RGS9: variants seen among roughly 807,000 people sequenced by gnomAD.
The protein encoded by RGS9 is regulator of G protein signaling 9, also known as regulator of G-protein signalling 9.
A neutral mutation model predicts 102.0 loss-of-function variants in RGS9; 78 were observed. The ratio of observed to expected loss-of-function variants is 0.76; its 90% CI spans 0.64 to 0.92. The LOEUF is 0.92. RGS9 is among the 40% of genes least tolerant of loss of function. The pLI, the probability that RGS9 is intolerant of heterozygous loss-of-function variation, is 0.00. For synonymous variants in RGS9, 353 were observed against 318.6 expected, an observed-to-expected ratio of 1.11 and a Z score of -1.15; for missense variants, 833 against 866.1, an observed-to-expected ratio of 0.96 and a Z score of 0.48.
rs529172956 is a variant in RGS9 at position 65,182,516 on chromosome 17, G to A, written c.654+4713G>A. On this transcript the variant is annotated intron_variant, in intron 9 of 18. Coordinates refer to ENST00000262406, the MANE Select transcript of RGS9 (RefSeq NM_003835.4). ...AGGATCTGAACCTCAGCTGATGGCC[G>A]CCAGAGCCCACTCCACATCCTGCCT... 9.2e-5 allele frequency among the ~76,000 whole-genome samples: 14 copies of A among 152,332 alleles called. No homozygotes were observed. The East Asian group carries it at 1.5e-3, about 17-fold the overall frequency.
At chr17:65,227,001 C>T (rs183293024) in intron 18 of RGS9, among the ~76,000 whole-genome samples, 67 of 152,098 alleles carry the variant, frequency 4.4e-4, no homozygotes, top group African/African-American at 1.5e-3. Flanking sequence ...CACAGGGATC[C>T]GAGCACCTCA....
intron 9 of RGS9, among the ~76,000 whole-genome samples, chr17:65,181,955 C>T (rs1288605274): frequency 3.3e-5 from 5 of 152,166 alleles, no homozygotes; most frequent in Admixed American, 2.0e-4. Context: ...GACTTGTAGA[C>T]CTCAGACTCC....
chr17:65,177,689 G>C lies in RGS9; in HGVS notation c.583-43G>C, dbSNP rs761552810. ...GACCCACAGTTAACCAGAAACTGGA[G>C]ACTCTCCCTGTAATGACCTTATGTT... On this transcript the variant is annotated intron_variant, in intron 8 of 18. Transcript: ENST00000262406. 4.5e-6 allele frequency: 7 copies of C among 1,566,138 alleles called. No individual in the cohort carries two copies. In the South Asian group the frequency reaches 6.7e-5, roughly 15 times the overall value.
intron 9 of RGS9, 79 bp downstream of exon 9, chr17:65,177,882 T>A: frequency 9.1e-7 from 1 of 1,094,768 alleles, no homozygotes; most frequent in East Asian, 2.4e-5. Context: ...TCTATTCGTG[T>A]CTGTTAGGGC....
chr17:65,158,446 A>G (rs532283098), intron 3 of RGS9, 101 bp downstream of exon 3: 1 of 1,113,802 alleles, frequency 9.0e-7, no homozygotes, highest in Admixed American at 1.7e-5. Flanking sequence ...AGAAATTTAC[A>G]TTTTAATTGG....
At position 65,223,781 on chromosome 17, in the gene RGS9, T is replaced by C. The variant is rs530646288; in HGVS notation, c.1408-1221T>C. ...TTTTTTTTTTTTTAAGATGGAGTTT[T>C]GCTCTGTCACCCAGGCTGGAGTGCA... On this transcript the variant is annotated intron_variant, in intron 17 of 18. Coordinates refer to ENST00000262406, the MANE Select transcript of RGS9 (RefSeq NM_003835.4). 1.1e-3 allele frequency among the ~76,000 whole-genome samples: 166 copies of C among 148,734 alleles called. 2 individuals are homozygous for C. Among genetic ancestry groups the C allele is most frequent in the Non-Finnish European group, 1.5e-3 (99 of 65,788 alleles).
intron 10 of RGS9, among the ~76,000 whole-genome samples, chr17:65,189,666 T>G (rs1912283851): frequency 6.6e-6 from 1 of 152,192 alleles, no homozygotes; most frequent in Admixed American, 6.5e-5. Flanking sequence ...AGGTGGCAAC[T>G]GCCTATTTTG....
At chr17:65,171,246 G>A (rs765487958) in intron 8 of RGS9, among the ~76,000 whole-genome samples, 1 of 152,186 alleles carries the variant, frequency 6.6e-6, no homozygotes, top group Non-Finnish European at 1.5e-5. Context: ...GTTAGGTGCT[G>A]GGTGTGAAAT....
In RGS9 at chr17:65,163,088, A is replaced by G. The variant is rs760030262; in HGVS notation, c.499A>G (p.Arg167Gly). Reference sequence around the variant, plus strand: ...CATTATGCAGGCCAAAGAGCAGTACAGGTGAGTGAAAGGAGACCATGCTTG... The same window carrying G: ...CATTATGCAGGCCAAAGAGCAGTACGGGTGAGTGAAAGGAGACCATGCTTG... ...FVIMQAKEQY[R>G]AGKERNKADR... is the part of the protein sequence containing the mutation. Residue 167 changes from arginine to glycine, a missense_variant and splice_region_variant, in exon 7 of 19, where the codon AGG (arginine) becomes GGG (glycine). Transcript: ENST00000262406. 6.3e-5 allele frequency: 100 copies of G among 1,576,226 alleles called. No individual in the cohort carries two copies. The highest frequency in any genetic ancestry group is 7.8e-5 in the Non-Finnish European group (90 of 1,147,196).
chr17:65,167,435 C>T lies in RGS9; in HGVS notation c.501-765C>T, dbSNP rs185936588. Among the ~76,000 whole-genome samples the T allele has an allele frequency of 2.8e-3, 422 of 152,218 alleles. 2 individuals are homozygous for T. Among genetic ancestry groups the T allele is most frequent in the African/African-American group, 9.6e-3 (397 of 41,514 alleles). On this transcript the variant is annotated intron_variant, in intron 7 of 18. Coordinates refer to ENST00000262406, the MANE Select transcript of RGS9 (RefSeq NM_003835.4). ...CAGGCTGGTCTTGAACTCCTGACCT[C>T]AAGTGATCTGCCCACCTCAGCCTCC...
intron 9 of RGS9, among the ~76,000 whole-genome samples, chr17:65,183,553 T>C (rs1410736644): frequency 6.6e-6 from 1 of 152,224 alleles, no homozygotes; most frequent in Non-Finnish European, 1.5e-5. Flanking sequence ...TGCCTTGGCC[T>C]CCCAGGGTGC....
chr17:65,224,686 G>A (rs768160418), intron 17 of RGS9, among the ~76,000 whole-genome samples: 6 of 152,104 alleles, frequency 3.9e-5, no homozygotes, highest in East Asian at 3.9e-4. Context: ...AGGGGTGATC[G>A]GGAATGCAGC....
In RGS9 at chr17:65,137,393, CA is replaced by C. The variant is rs1226561075; in HGVS notation, c.-147del. On this transcript the variant is annotated 5_prime_UTR_variant, in exon 1 of 19. Transcript: ENST00000262406. ...CAAGTCAGCGGCGCCTAGTGAGAGTCAGGGGGGCCCGGCCCGCGCCCTCCCC... is the reference window on the plus strand; with the variant it reads ...CAAGTCAGCGGCGCCTAGTGAGAGTCGGGGGGCCCGGCCCGCGCCCTCCCC... 15 of 752,538 alleles carry C rather than the reference CA, an allele frequency of 2.0e-5. No individual in the cohort carries two copies. The highest frequency in any genetic ancestry group is 3.6e-4 in the Middle Eastern group (1 of 2,772). 46.6% of individuals were successfully genotyped at this position (752,538 alleles called of 1,614,324 possible).
intron 8 of RGS9, among the ~76,000 whole-genome samples, chr17:65,177,276 C>T (rs1169345182): frequency 6.6e-6 from 1 of 151,864 alleles, no homozygotes; most frequent in East Asian, 1.9e-4. Flanking sequence ...TTCCCTCTTT[C>T]CTGCCACCCA....
intron 13 of RGS9, among the ~76,000 whole-genome samples, chr17:65,201,539 G>A (rs1912844563): frequency 6.6e-6 from 1 of 152,210 alleles, no homozygotes; most frequent in South Asian, 2.1e-4. Flanking sequence ...CCGTAGCGTA[G>A]CAACGCATGT....
chr17:65,160,309 C>G lies in RGS9; in HGVS notation c.282C>G (p.Leu94=). ...YPLQDPKNLI[L]KPDGSLYRFQ... is the part of the protein sequence containing the mutation. ...TGCAAGACCCCAAGAATCTCATTCT[C>G]AAGCCTGATGGCAGCCTCTACAGAT... Residue 94 remains leucine (L), a synonymous_variant, in exon 4 of 19, where the codon CTC becomes CTG. Transcript: ENST00000262406. The G allele has an allele frequency of 6.2e-7, 1 of 1,614,122 alleles. No individual in the cohort carries two copies. The highest frequency in any genetic ancestry group is 8.5e-7 in the Non-Finnish European group (1 of 1,179,938).
rs187027035 is a variant in RGS9 at position 65,220,977 on chromosome 17, A to G, written c.1408-4025A>G. 2.2e-4 allele frequency among the ~76,000 whole-genome samples: 34 copies of G among 152,216 alleles called. No individual in the cohort carries two copies. The East Asian group carries it at 4.8e-3, about 22-fold the overall frequency. On this transcript the variant is annotated intron_variant, in intron 17 of 18. Transcript: ENST00000262406. ...GCCACTGCTTTGCTGCCTCACACCA[A>G]TGGTAGGTGGGGCATGGGCTGGAGG...
intron 1 of RGS9, among the ~76,000 whole-genome samples, chr17:65,148,550 A>G (rs1910456867): frequency 6.6e-6 from 1 of 152,214 alleles, no homozygotes. Context: ...ACAGGGTTCC[A>G]ATTTCAATCT....
chr17:65,163,184 T>A (rs897812404), intron 7 of RGS9, 95 bp downstream of exon 7: 1 of 618,108 alleles, frequency 1.6e-6, no homozygotes, highest in Non-Finnish European at 2.6e-6. Context: ...TTATTTTTAT[T>A]TTTTTTTTGA....
Sources: gnomAD v4.1 joint callset for allele counts (sites outside exome capture counted in the v4.1 genomes callset) on GRCh38, gnomAD v4.1.1 for gene constraint, MANE v1.5 for transcripts, NCBI Gene and HGNC (gene_info 2026-07-23, HGNC 2026-07-21) for gene names.